Variants in TAF3 observed in about 807,000 individuals in gnomAD.
The protein encoded by TAF3 is transcription initiation factor TFIID subunit 3.
TAF3 carries 7 observed loss-of-function variants against 80.6 expected under a neutral mutation model. That is an observed-to-expected ratio of 0.09 (90% confidence interval 0.05 to 0.16). The LOEUF (loss-of-function observed/expected upper bound fraction) is 0.16, where lower values mean the gene tolerates loss of function less well. TAF3 is among the 10% of genes least tolerant of loss of function. The pLI is 1.00. For synonymous variants in TAF3, 444 were observed against 446.1 expected, an observed-to-expected ratio of 1.00 and a Z score of 0.06; for missense variants, 921 against 1,140.2, an observed-to-expected ratio of 0.81 and a Z score of 2.77.
At chr10:7,856,287 C>T (rs1588525979) in intron 2 of TAF3, among the ~76,000 whole-genome samples, 1 of 152,082 alleles carries the variant, frequency 6.6e-6, no homozygotes, top group Middle Eastern at 3.4e-3. Context: ...ACCAGCCTGG[C>T]CAGCATGGTG....
chr10:7,823,650 T>TC (rs1435056024), intron 1 of TAF3, among the ~76,000 whole-genome samples: 11 of 151,102 alleles, frequency 7.3e-5, no homozygotes, highest in Admixed American at 2.0e-4. Context: ...TTTTTTTTTT[T>TC]CTGAGATGGA....
chr10:7,921,726 T>G (rs1234833497), intron 2 of TAF3, among the ~76,000 whole-genome samples: 1 of 152,144 alleles, frequency 6.6e-6, no homozygotes, highest in Non-Finnish European at 1.5e-5. Context: ...TTTGCAAGCA[T>G]TTGCATTTTT....
intron 4 of TAF3, among the ~76,000 whole-genome samples, chr10:7,977,524 ATT>A (rs142490255): frequency 6.7e-6 from 1 of 150,336 alleles, no homozygotes; most frequent in Admixed American, 6.6e-5. Context: ...GACGTAAAGG[ATT>A]TTTTTTTTCT....
In TAF3 at chr10:8,000,337, G is replaced by A. The variant is rs549764310; in HGVS notation, c.2316-8741G>A. ...TCACTATGTTGGCCAGGCTGGTCTC[G>A]AACTCCCAACCTCAGGTGATCCGCC... is the stretch of plus-strand genomic sequence containing the variant. On this transcript the variant is annotated intron_variant, in intron 4 of 6. Coordinates refer to ENST00000344293, the MANE Select transcript of TAF3 (RefSeq NM_031923.4). Among the ~76,000 whole-genome samples, 691 of 152,058 alleles carry A rather than the reference G, an allele frequency of 4.5e-3. 7 individuals are homozygous for A. Among genetic ancestry groups the A allele is most frequent in the African/African-American group, 0.01 (431 of 41,504 alleles).
intron 2 of TAF3, among the ~76,000 whole-genome samples, chr10:7,879,587 G>A (rs1837341000): frequency 6.6e-6 from 1 of 152,116 alleles, no homozygotes; most frequent in Admixed American, 6.5e-5. Context: ...GAAATACAAA[G>A]TGTAAACACC....
chr10:7,961,560 T>C (rs1036254510), intron 2 of TAF3, among the ~76,000 whole-genome samples: 7 of 152,196 alleles, frequency 4.6e-5, no homozygotes, highest in African/African-American at 1.4e-4. Flanking sequence ...TTTTTATATA[T>C]AGGTATTCCT....
chr10:7,934,357 A>C (rs1837896540), intron 2 of TAF3, among the ~76,000 whole-genome samples: 14 of 152,222 alleles, frequency 9.2e-5, no homozygotes, highest in Admixed American at 9.2e-4. Flanking sequence ...AATTGATGAC[A>C]TCTTAGATTC....
intron 2 of TAF3, among the ~76,000 whole-genome samples, chr10:7,838,792 C>T (rs866865153): frequency 1.2e-4 from 18 of 152,104 alleles, no homozygotes; most frequent in Non-Finnish European, 1.3e-4. Flanking sequence ...GATCTGGCTG[C>T]CTCTCTCTTG....
intron 2 of TAF3, among the ~76,000 whole-genome samples, chr10:7,873,621 C>G (rs1348307399): frequency 7.7e-6 from 1 of 130,410 alleles, no homozygotes. Flanking sequence ...GAGTTCTCCC[C>G]CCCCCCCCGT....
At chr10:7,977,798 A>G (rs1157533069) in intron 4 of TAF3, among the ~76,000 whole-genome samples, 3 of 152,256 alleles carry the variant, frequency 2.0e-5, no homozygotes, top group South Asian at 2.1e-4. Context: ...TTGGAGAGAC[A>G]GTATGTAATA....
intron 2 of TAF3, among the ~76,000 whole-genome samples, chr10:7,908,785 C>A (rs1837629438): frequency 6.6e-6 from 1 of 152,238 alleles, no homozygotes; most frequent in South Asian, 2.1e-4. Context: ...TTTGGATCTT[C>A]TGTGTTTGAA....
At chr10:7,861,268 C>T (rs1031582829) in intron 2 of TAF3, among the ~76,000 whole-genome samples, 14 of 151,890 alleles carry the variant, frequency 9.2e-5, no homozygotes, top group African/African-American at 2.9e-4. Flanking sequence ...CGGCCCTGCA[C>T]GGCTAATTTT....
In TAF3 at chr10:7,964,036, C is replaced by G; in HGVS notation, c.526C>G (p.Leu176Val). 1 of 1,614,044 alleles carries G rather than the reference C, an allele frequency of 6.2e-7. No homozygotes were observed. ...AGAAATTATTAATGATGAGAATTTC[C>G]TGGGCAAGAGACCACTGGATAGTCC... ...EEEIINDENFLGKRPLDSPEA... is the reference protein window; with the variant it reads ...EEEIINDENFVGKRPLDSPEA... Residue 176 changes from leucine (L) to valine (V), a missense_variant, in exon 3 of 7, where the codon CTG becomes GTG. Physicochemically the swap from Leu to Val is conservative, Grantham distance 32. Coordinates refer to ENST00000344293, the MANE Select transcript of TAF3 (RefSeq NM_031923.4). This position sits in a 1 kb window ranked among gnomAD's most constrained non-coding sequence, Gnocchi z 4.1.
intron 2 of TAF3, among the ~76,000 whole-genome samples, chr10:7,911,443 A>G (rs1423431923): frequency 6.6e-6 from 1 of 152,272 alleles, no homozygotes; most frequent in African/African-American, 2.4e-5. Flanking sequence ...GCCACATGGC[A>G]GAGAAGCAGA....
chr10:7,878,976 C>T (rs1032004838), intron 2 of TAF3, among the ~76,000 whole-genome samples: 1 of 152,108 alleles, frequency 6.6e-6, no homozygotes, highest in African/African-American at 2.4e-5. Flanking sequence ...AATCCGCTCA[C>T]CTCAGCTTCC....
intron 2 of TAF3, among the ~76,000 whole-genome samples, chr10:7,863,439 C>T (rs551688278): frequency 2.5e-4 from 37 of 150,742 alleles, no homozygotes; most frequent in Middle Eastern, 3.4e-3. Context: ...GGTGAAACCC[C>T]GTCTCTACTG....
intron 2 of TAF3, among the ~76,000 whole-genome samples, chr10:7,938,360 T>G (rs1316751721): frequency 6.6e-6 from 1 of 152,110 alleles, no homozygotes; most frequent in Non-Finnish European, 1.5e-5. Flanking sequence ...GGCTGTTATA[T>G]TTTAGTTCAG....
intron 2 of TAF3, among the ~76,000 whole-genome samples, chr10:7,897,298 A>G (rs1028601882): frequency 2.6e-5 from 4 of 152,210 alleles, no homozygotes; most frequent in African/African-American, 9.6e-5. Flanking sequence ...ACCACAGCTC[A>G]TTTGACTGAA....
In TAF3 at chr10:7,965,328, T is replaced by C. The variant is rs1314330807; in HGVS notation, c.1818T>C (p.Asp606=). 4.4e-6 allele frequency: 7 copies of C among 1,603,234 alleles called. No individual in the cohort carries two copies. The highest frequency in any genetic ancestry group is 5.9e-6 in the Non-Finnish European group (7 of 1,177,650). ...EDVDPKVKLK[D]GLVRKEKEKH... is the part of the protein sequence containing the mutation. ...TTGATCCCAAAGTGAAATTGAAAGA[T>C]GGACTTGTGAGGAAGGAGAAAGAGA... Residue 606 remains aspartate (D), a synonymous_variant, in exon 3 of 7, where the codon GAT becomes GAC. Coordinates refer to ENST00000344293, the MANE Select transcript of TAF3 (RefSeq NM_031923.4).
Sources: allele counts gnomAD v4.1 joint callset (sites outside exome capture counted in the v4.1 genomes callset), GRCh38; gene constraint gnomAD v4.1.1; non-coding constraint Gnocchi (gnomAD v3.1); transcripts MANE v1.5; gene names NCBI Gene and HGNC (gene_info 2026-07-23, HGNC 2026-07-21).